L3MBTL4: variants seen among roughly 807,000 people sequenced by gnomAD.
The protein encoded by L3MBTL4 is L3MBTL histone methyl-lysine binding protein 4.
In L3MBTL4, 70 loss-of-function variants were observed where a neutral mutation model predicts 84.5. That is an observed-to-expected ratio of 0.83 (90% confidence interval 0.68 to 1.01). The LOEUF (loss-of-function observed/expected upper bound fraction) is 1.01. L3MBTL4 is among the 50% of genes least tolerant of loss of function. The pLI, the probability that L3MBTL4 is intolerant of heterozygous loss-of-function variation, is 0.00. For missense variants in L3MBTL4, 715 were observed against 754.8 expected (o/e 0.95, Z 0.62); for synonymous variants, 274 against 259.8 (o/e 1.05, Z -0.52).
chr18:6,401,561 T>C (rs1277469064), intron 1 of L3MBTL4, among the ~76,000 whole-genome samples: 1 of 152,108 alleles, frequency 6.6e-6, no homozygotes, highest in Non-Finnish European at 1.5e-5. Flanking sequence ...GAGGTAAAGT[T>C]CAAACGAGGA....
At chr18:6,229,651 A>C (rs1253919237) in intron 10 of L3MBTL4, among the ~76,000 whole-genome samples, 1 of 152,042 alleles carries the variant, frequency 6.6e-6, no homozygotes, top group Non-Finnish European at 1.5e-5. Flanking sequence ...ATTCATTTTG[A>C]GTCAGTTTTT....
chr18:6,031,591 G>T, intron 16 of L3MBTL4: 3 of 937,934 alleles, frequency 3.2e-6, no homozygotes, highest in Non-Finnish European at 3.8e-6. Flanking sequence ...CATGTTTGTT[G>T]GACAGTTGTT....
chr18:6,310,920 G>T (rs1326008750), intron 3 of L3MBTL4, among the ~76,000 whole-genome samples: 1 of 152,090 alleles, frequency 6.6e-6, no homozygotes, highest in East Asian at 1.9e-4. Context: ...ATGAGGGTGG[G>T]TCTCATTTAA....
At chr18:6,202,973 G>A (rs1458416398) in intron 12 of L3MBTL4, among the ~76,000 whole-genome samples, 2 of 152,214 alleles carry the variant, frequency 1.3e-5, no homozygotes, top group Non-Finnish European at 1.5e-5. Context: ...AGAGAGAACT[G>A]AGCAGACATT....
chr18:6,116,624 A>G (rs948188271), intron 14 of L3MBTL4, among the ~76,000 whole-genome samples: 1 of 152,122 alleles, frequency 6.6e-6, no homozygotes, highest in African/African-American at 2.4e-5. Flanking sequence ...TCGGCTTCCC[A>G]AAGTGCTAGG....
intron 14 of L3MBTL4, among the ~76,000 whole-genome samples, chr18:6,111,114 G>A (rs968475094): frequency 6.6e-6 from 1 of 152,080 alleles, no homozygotes; most frequent in African/African-American, 2.4e-5. Flanking sequence ...AGGAAGAGAA[G>A]GATCAGAAAA....
chr18:6,253,322 C>T (rs994585399), intron 5 of L3MBTL4, among the ~76,000 whole-genome samples: 4 of 152,242 alleles, frequency 2.6e-5, no homozygotes, highest in Admixed American at 6.5e-5. Context: ...CTGGTCAATA[C>T]AAAACCTGGA....
chr18:5,987,199 T>C (rs1244181121), intron 16 of L3MBTL4, among the ~76,000 whole-genome samples: 1 of 152,230 alleles, frequency 6.6e-6, no homozygotes, highest in Non-Finnish European at 1.5e-5. Context: ...TTTGTTCCCT[T>C]CTTTTGTCTT....
At chr18:6,192,004 C>A (rs1440593412) in intron 12 of L3MBTL4, among the ~76,000 whole-genome samples, 1 of 144,764 alleles carries the variant, frequency 6.9e-6, no homozygotes, top group South Asian at 2.2e-4. Context: ...CCTCCCCCCC[C>A]TCAAAAAAAA....
intron 12 of L3MBTL4, among the ~76,000 whole-genome samples, chr18:6,203,367 G>C (rs1056714522): frequency 1.3e-5 from 2 of 152,182 alleles, no homozygotes; most frequent in Admixed American, 1.3e-4. Context: ...CCAAAGCAGG[G>C]AGTATACATT....
At chr18:6,149,447 A>G (rs1245882205) in intron 13 of L3MBTL4, among the ~76,000 whole-genome samples, 2 of 151,668 alleles carry the variant, frequency 1.3e-5, no homozygotes, top group East Asian at 3.9e-4. Flanking sequence ...CCAGTCTATC[A>G]TTGTTGGACA....
intron 16 of L3MBTL4, among the ~76,000 whole-genome samples, chr18:5,994,517 G>A (rs2053858442): frequency 6.6e-6 from 1 of 152,086 alleles, no homozygotes; most frequent in South Asian, 2.1e-4. Flanking sequence ...AAGCAGGTGG[G>A]GCAGGCACAG....
intron 12 of L3MBTL4, among the ~76,000 whole-genome samples, chr18:6,186,459 G>C (rs1052851645): frequency 3.3e-5 from 5 of 152,210 alleles, no homozygotes; most frequent in Admixed American, 3.3e-4. Flanking sequence ...GCCCTGCCGA[G>C]AGACTGAAAA....
rs2056087745 is a variant in L3MBTL4, at chr18:6,414,123, T to C, written c.-91+678A>G. ...CTGTGGCCGGCGCGCCCCCCGCAGTTCCAGGCGGTGGCAGGAGCCTGAGAG... is the reference window on the plus strand; with the variant it reads ...CTGTGGCCGGCGCGCCCCCCGCAGTCCCAGGCGGTGGCAGGAGCCTGAGAG... On this transcript the variant is annotated intron_variant, in intron 1 of 18. Transcript: ENST00000317931. The surrounding 1 kb of genome is among the most constrained non-coding windows in gnomAD (Gnocchi z 5.4). 1 of 152,062 alleles carries C rather than the reference T, an allele frequency of 6.6e-6. No individual in the cohort carries two copies. The highest frequency in any genetic ancestry group is 2.1e-4 in the South Asian group (1 of 4,824). 9.4% of individuals were successfully genotyped at this position (152,062 alleles called of 1,614,324 possible).
At chr18:6,383,911 T>C (rs1310873214) in intron 1 of L3MBTL4, among the ~76,000 whole-genome samples, 1 of 152,210 alleles carries the variant, frequency 6.6e-6, no homozygotes, top group East Asian at 1.9e-4. Context: ...CAGGTACAGT[T>C]TTTAAAGATA....
chr18:6,169,734 C>T (rs1000596024), intron 13 of L3MBTL4, among the ~76,000 whole-genome samples: 20 of 151,310 alleles, frequency 1.3e-4, no homozygotes, highest in African/African-American at 2.4e-5. Context: ...TGCTAAATGG[C>T]GAGTTAATGG....
chr18:6,374,271 C>A (rs951473727), intron 1 of L3MBTL4: 3 of 152,840 alleles, frequency 2.0e-5, no homozygotes, highest in Non-Finnish European at 4.4e-5. Flanking sequence ...TGTAAAATGC[C>A]AATAACAACA....
rs1272821118 is a variant in L3MBTL4, at chr18:6,308,298, T to TC, written c.72+3255dup. Among the ~76,000 whole-genome samples the TC allele has an allele frequency of 3.9e-5, 6 of 152,072 alleles. No homozygotes were observed. In the East Asian group the frequency reaches 1.2e-3, roughly 30 times the overall value. On this transcript the variant is annotated intron_variant, in intron 3 of 18. Transcript: ENST00000317931. ...GCAAAGATGTAAAACATATAACAAATCCCAAGGAAAAGAGGCACTCTCTCA... is the reference window on the plus strand; with the variant it reads ...GCAAAGATGTAAAACATATAACAAATCCCCAAGGAAAAGAGGCACTCTCTCA...
At chr18:6,243,119 C>T (rs1187313427) in intron 7 of L3MBTL4, among the ~76,000 whole-genome samples, 175 bp downstream of exon 7, 2 of 152,182 alleles carry the variant, frequency 1.3e-5, no homozygotes, top group Non-Finnish European at 2.9e-5. Flanking sequence ...TCTTTAAAGA[C>T]ATTTACTTCT....
Sources: allele counts gnomAD v4.1 joint callset (sites outside exome capture counted in the v4.1 genomes callset), GRCh38; gene constraint gnomAD v4.1.1; non-coding constraint Gnocchi (gnomAD v3.1); transcripts MANE v1.5; gene names NCBI Gene and HGNC (gene_info 2026-07-23, HGNC 2026-07-21).